Variants in CSMD1 observed in about 807,000 individuals in gnomAD.
The protein encoded by CSMD1 is CUB and sushi domain-containing protein 1.
Under a neutral mutation model 417.5 loss-of-function variants are expected in CSMD1, and 213 were observed. The observed-to-expected ratio is 0.51, with a 90% CI of 0.46 to 0.57. The LOEUF (loss-of-function observed/expected upper bound fraction) is 0.57. CSMD1 is among the 20% of genes least tolerant of loss of function. The pLI is 0.00. For synonymous variants in CSMD1, 2,862 were observed against 1,736.8 expected (o/e 1.65, Z -16.11); for missense variants, 6,923 against 4,529.7 (o/e 1.53, Z -15.17).
chr8:3,923,097 G>T, intron 5 of CSMD1, among the ~76,000 whole-genome samples: 1 of 152,136 alleles, frequency 6.6e-6, no homozygotes, highest in East Asian at 1.9e-4. Flanking sequence ...GGGCCCTTGT[G>T]ACTGGGACTC....
intron 8 of CSMD1, among the ~76,000 whole-genome samples, chr8:3,607,234 T>G (rs1801663162): frequency 6.6e-6 from 1 of 152,148 alleles, no homozygotes. Flanking sequence ...ATCACTGTTT[T>G]CCACCTCCAC....
intron 7 of CSMD1, among the ~76,000 whole-genome samples, chr8:3,645,603 G>A (rs754810738): frequency 1.3e-5 from 2 of 152,194 alleles, no homozygotes; most frequent in Non-Finnish European, 2.9e-5. Context: ...TCAGCCTTCT[G>A]CAAGGGATCA....
chr8:4,294,683 C>A (rs879468365), intron 3 of CSMD1, among the ~76,000 whole-genome samples: 8 of 152,048 alleles, frequency 5.3e-5, no homozygotes, highest in Non-Finnish European at 1.0e-4. Context: ...TAAAAATATT[C>A]TAAGATGACC....
intron 3 of CSMD1, among the ~76,000 whole-genome samples, chr8:4,337,871 T>G (rs537670633): frequency 3.8e-4 from 58 of 152,254 alleles, no homozygotes; most frequent in African/African-American, 1.3e-3. Flanking sequence ...AGAGTAAAAA[T>G]AGGCATTTTC....
rs143189651 is a variant in CSMD1 at position 4,373,215 on chromosome 8, G to C, written c.415+46738C>G. 5.3e-4 allele frequency among the ~76,000 whole-genome samples: 81 copies of C among 152,238 alleles called. No homozygotes were observed. In the East Asian group the frequency reaches 0.012, roughly 23 times the overall value. On this transcript the variant is annotated intron_variant, in intron 3 of 69. Coordinates refer to ENST00000635120, the MANE Select transcript of CSMD1 (RefSeq NM_033225.6). ...CTGTCAAAGTCATCACAAACAAGAG[G>C]AGTCTGAGAAACTACCCCAGCCAAG...
intron 49 of CSMD1, among the ~76,000 whole-genome samples, chr8:3,079,608 T>C (rs1205794639): frequency 6.6e-6 from 1 of 152,184 alleles, no homozygotes; most frequent in Non-Finnish European, 1.5e-5. Context: ...TTATGCCAGG[T>C]CTCCTAACAT....
intron 3 of CSMD1, among the ~76,000 whole-genome samples, chr8:4,383,926 G>C (rs140126667): frequency 6.6e-6 from 1 of 152,052 alleles, no homozygotes; most frequent in Non-Finnish European, 1.5e-5. Flanking sequence ...ATATGATACC[G>C]TGAAGAAAAA....
chr8:3,748,390 G>A (rs776646601), intron 6 of CSMD1, among the ~76,000 whole-genome samples: 1 of 152,138 alleles, frequency 6.6e-6, no homozygotes, highest in Non-Finnish European at 1.5e-5. Flanking sequence ...TAGCAAGGGA[G>A]GTCCACTGCC....
At chr8:4,178,302 G>C (rs1245571614) in intron 3 of CSMD1, among the ~76,000 whole-genome samples, 1 of 151,460 alleles carries the variant, frequency 6.6e-6, no homozygotes, top group Non-Finnish European at 1.5e-5. Context: ...ATGTAATCCA[G>C]CATATAAACA....
intron 5 of CSMD1, among the ~76,000 whole-genome samples, chr8:3,904,961 G>A (rs1042365687): frequency 6.6e-6 from 1 of 151,968 alleles, no homozygotes; most frequent in Non-Finnish European, 1.5e-5. Context: ...TTCCTTATCT[G>A]ACATTTAAGG....
At chr8:4,376,711 C>A (rs1164442485) in intron 3 of CSMD1, among the ~76,000 whole-genome samples, 1 of 152,188 alleles carries the variant, frequency 6.6e-6, no homozygotes, top group Admixed American at 6.5e-5. Flanking sequence ...TCTTTGCAAA[C>A]TGATTGCATT....
chr8:4,363,812 A>C (rs1049876812), intron 3 of CSMD1, among the ~76,000 whole-genome samples: 4 of 152,184 alleles, frequency 2.6e-5, no homozygotes, highest in African/African-American at 9.7e-5. Context: ...TTATAAATTC[A>C]TCACATGTTC....
In CSMD1 at chr8:3,387,674, G is replaced by C. The variant is rs776304600; in HGVS notation, c.2602C>G (p.Leu868Val). Residue 868 changes from leucine (L) to valine (V), a missense_variant, in exon 18 of 70, where the codon CTT becomes GTT. Coordinates refer to ENST00000635120, the MANE Select transcript of CSMD1 (RefSeq NM_033225.6). ...GFLIHYESVT[L>V]ESDSCLDPGI... ...GGGTCCAGGCAGGAATCCGACTCAA[G>C]CGTCACACCTGGATGCACAGAACGA... 23 of 1,595,032 alleles carry C rather than the reference G, an allele frequency of 1.4e-5. No individual in the cohort carries two copies. Among genetic ancestry groups the C allele is most frequent in the Non-Finnish European group, 1.8e-5 (21 of 1,170,510 alleles).
At chr8:4,280,701 A>G (rs892956969) in intron 3 of CSMD1, among the ~76,000 whole-genome samples, 1 of 152,236 alleles carries the variant, frequency 6.6e-6, no homozygotes, top group African/African-American at 2.4e-5. Flanking sequence ...GCACAGCTCT[A>G]TAGCAATACC....
At chr8:4,376,175 G>A (rs571996254) in intron 3 of CSMD1, among the ~76,000 whole-genome samples, 23 of 152,140 alleles carry the variant, frequency 1.5e-4, no homozygotes, top group African/African-American at 5.3e-4. Flanking sequence ...CTTAACAACT[G>A]TATCAAAAGA....
intron 3 of CSMD1, among the ~76,000 whole-genome samples, chr8:4,275,151 T>C (rs1796404247): frequency 6.6e-6 from 1 of 152,208 alleles, no homozygotes; most frequent in Non-Finnish European, 1.5e-5. Context: ...AGAGTAGCTT[T>C]TACGGCATAG....
At chr8:3,590,112 T>C (rs548351886) in intron 8 of CSMD1, among the ~76,000 whole-genome samples, 2 of 151,936 alleles carry the variant, frequency 1.3e-5, no homozygotes, top group African/African-American at 2.4e-5. Context: ...AAAAATGACA[T>C]GTAGTAATAT....
chr8:3,494,008 C>T lies in CSMD1; in HGVS notation c.1345-282G>A, dbSNP rs188440315. Among the ~76,000 whole-genome samples, 181 of 152,306 alleles carry T rather than the reference C, an allele frequency of 1.2e-3. 3 individuals carry two copies. In the South Asian group the frequency reaches 0.019, roughly 16 times the overall value. On this transcript the variant is annotated intron_variant, in intron 10 of 69. Coordinates refer to ENST00000635120, the MANE Select transcript of CSMD1 (RefSeq NM_033225.6). The stretch of plus-strand genomic sequence containing the variant: ...TGCAACACTTTAAGCCAAATATCTA[C>T]TAAATGTTTACTTTAACATTCTCAG...
chr8:3,565,803 A>G (rs955488207), intron 10 of CSMD1, among the ~76,000 whole-genome samples: 5 of 151,954 alleles, frequency 3.3e-5, no homozygotes, highest in African/African-American at 1.2e-4. Context: ...ACCCTGAGAT[A>G]TCTCTCAAAT....
Sources: gnomAD v4.1 joint callset for allele counts (sites outside exome capture counted in the v4.1 genomes callset) on GRCh38, gnomAD v4.1.1 for gene constraint, MANE v1.5 for transcripts, NCBI Gene and HGNC (gene_info 2026-07-23, HGNC 2026-07-21) for gene names.